The following VPS4B variants were observed in gnomAD, a reference collection of about 807,000 sequenced individuals.
The protein encoded by VPS4B is vacuolar protein sorting-associated protein 4B.
In VPS4B, 23 loss-of-function variants were observed where a neutral mutation model predicts 56.1. The observed-to-expected ratio is 0.41, with a 90% CI of 0.30 to 0.58. VPS4B has a LOEUF of 0.58. Ranked by LOEUF, VPS4B falls within the 20% of genes least tolerant of loss-of-function variation. The pLI is 0.29. For synonymous variants in VPS4B, 177 were observed against 186.0 expected (o/e 0.95, Z 0.39); for missense variants, 372 against 531.9 (o/e 0.70, Z 2.96).
At chr18:63,400,768 G>A in intron 5 of VPS4B, 65 bp from the exon 6 acceptor site, 3 of 1,445,772 alleles carry the variant, frequency 2.1e-6, no homozygotes, top group South Asian at 2.6e-5. Context: ...TCTATACTGA[G>A]GAATACTCTG....
chr18:63,413,923 G>A (rs181279367), intron 1 of VPS4B, among the ~76,000 whole-genome samples: 155 of 152,268 alleles, frequency 1.0e-3, no homozygotes, highest in African/African-American at 3.5e-3. Flanking sequence ...TAATAGTTAC[G>A]TATCTCACAG....
chr18:63,398,081 G>A (rs1446557378), intron 8 of VPS4B, among the ~76,000 whole-genome samples: 1 of 151,948 alleles, frequency 6.6e-6, no homozygotes, highest in African/African-American at 2.4e-5. Flanking sequence ...AGAGTGAAAA[G>A]TGAAGAGTCC....
At chr18:63,411,927 A>G (rs1916054439) in intron 1 of VPS4B, among the ~76,000 whole-genome samples, 1 of 152,208 alleles carries the variant, frequency 6.6e-6, no homozygotes, top group Admixed American at 6.5e-5. Flanking sequence ...GAAAATTCAA[A>G]CTAAACAAGC....
intron 5 of VPS4B, among the ~76,000 whole-genome samples, chr18:63,403,444 A>G (rs920313273): frequency 2.6e-5 from 4 of 152,224 alleles, no homozygotes; most frequent in Admixed American, 6.5e-5. Flanking sequence ...TGTACACTCT[A>G]TTTTACTGAG....
At chr18:63,411,717 AAAAT>A (rs1330919976) in intron 1 of VPS4B, 139 bp from the exon 2 acceptor site, 3 of 485,460 alleles carry the variant, frequency 6.2e-6, no homozygotes, top group Admixed American at 3.9e-5. Flanking sequence ...AAATAAGTAA[AAAAT>A]AAACAGTAAC....
chr18:63,418,566 C>A (rs1366584660), intron 1 of VPS4B, among the ~76,000 whole-genome samples: 1 of 152,096 alleles, frequency 6.6e-6, no homozygotes, highest in East Asian at 1.9e-4. Flanking sequence ...TGCACCACCA[C>A]ACCTGGCTAA....
rs1916047471 is a variant in VPS4B, at chr18:63,411,580, T to C, written c.28-2A>G. 6.5e-7 allele frequency: 1 copy of C among 1,549,662 alleles called. No homozygotes were observed. The highest frequency in any genetic ancestry group is 8.7e-7 in the Non-Finnish European group (1 of 1,147,568). ...TTTGCTAGCCAGATCTATCGCTTTCTGTTTGAGGGAGGCAAAATAACAACA... is the reference window on the plus strand; with the variant it reads ...TTTGCTAGCCAGATCTATCGCTTTCCGTTTGAGGGAGGCAAAATAACAACA... On this transcript the variant is annotated splice_acceptor_variant, in intron 1 of 10. Coordinates refer to ENST00000238497, the MANE Select transcript of VPS4B (RefSeq NM_004869.4). LOFTEE classifies it high-confidence loss of function.
intron 1 of VPS4B, among the ~76,000 whole-genome samples, chr18:63,420,058 A>G (rs1374893029): frequency 6.6e-6 from 1 of 152,208 alleles, no homozygotes; most frequent in East Asian, 1.9e-4. Flanking sequence ...ATTACAATTC[A>G]AGATCCTTCC....
chr18:63,413,538 C>CAAA (rs11363766), intron 1 of VPS4B, among the ~76,000 whole-genome samples: 2 of 81,742 alleles, frequency 2.4e-5, no homozygotes, highest in East Asian at 4.5e-4. Flanking sequence ...GACTCCACCT[C>CAAA]AAAAAAAAAA....
At chr18:63,411,669 T>TTAA in intron 1 of VPS4B, 91 bp from the exon 2 acceptor site, 1 of 881,388 alleles carries the variant, frequency 1.1e-6, no homozygotes, top group Non-Finnish European at 1.6e-6. Flanking sequence ...TTTTTTTTTT[T>TTAA]AAAGCTTCTC....
At chr18:63,395,861 G>C (rs558656856) in intron 9 of VPS4B, among the ~76,000 whole-genome samples, 6 of 152,326 alleles carry the variant, frequency 3.9e-5, no homozygotes, top group African/African-American at 1.4e-4. Flanking sequence ...CAGAATGGCT[G>C]AGATTTCAGA....
rs1369481715 is a variant in VPS4B, at chr18:63,389,367, A to C, written c.*1608T>G. ...CAGGCCTTTTCCATTTAATAACAAA[A>C]ACAATCTGTACAGAAAACCCAAAGG... On this transcript the variant is annotated 3_prime_UTR_variant, in exon 11 of 11. Coordinates refer to ENST00000238497, the MANE Select transcript of VPS4B (RefSeq NM_004869.4). The C allele has an allele frequency of 6.6e-6, 1 of 152,664 alleles. No individual in the cohort carries two copies. The highest frequency in any genetic ancestry group is 2.4e-5 in the African/African-American group (1 of 41,466). 9.5% of individuals were successfully genotyped at this position (152,664 alleles called of 1,614,324 possible).
intron 1 of VPS4B, chr18:63,415,640 G>T: frequency 4.1e-6 from 1 of 245,328 alleles, no homozygotes. Flanking sequence ...GGGCCTCAAA[G>T]CTGTCCAGTT....
intron 8 of VPS4B, 106 bp from the exon 9 acceptor site, chr18:63,397,359 A>G (rs1915694810): frequency 9.8e-7 from 1 of 1,018,158 alleles, no homozygotes; most frequent in Admixed American, 2.9e-5. Flanking sequence ...AAGGTTAAAC[A>G]TATATATTTA....
Position 63,410,318 on chromosome 18 carries a change from C to G in VPS4B, c.268G>C (p.Gly90Arg). ...TTCTCATCTGCTGGACTCGGCTGTC[C>G]TTCTTTCACTGGCTTCTGTGCTTTT... is the stretch of plus-strand genomic sequence containing the variant. ...EKKAQKPVKEGQPSPADEKGN... is the reference protein window; with the variant it reads ...EKKAQKPVKERQPSPADEKGN... Residue 90 changes from glycine (G) to arginine (R), a missense_variant, in exon 3 of 11, where the codon GGA becomes CGA. Gly to Arg is a moderately radical substitution (Grantham distance 125). Transcript: ENST00000238497. 1 of 1,613,988 alleles carries G rather than the reference C, an allele frequency of 6.2e-7. No homozygotes were observed. The highest frequency in any genetic ancestry group is 8.5e-7 in the Non-Finnish European group (1 of 1,179,976).
At chr18:63,412,733 ACCAAGCTAG>A (rs2052027322) in intron 1 of VPS4B, among the ~76,000 whole-genome samples, 1 of 152,172 alleles carries the variant, frequency 6.6e-6, no homozygotes, top group South Asian at 2.1e-4. Context: ...CACTATGTCG[ACCAAGCTAG>A]CCTCAAACTC....
intron 9 of VPS4B, 122 bp from the exon 10 acceptor site, chr18:63,393,671 T>C (rs1915606309): frequency 1.9e-6 from 2 of 1,077,308 alleles, no homozygotes; most frequent in South Asian, 6.4e-5. Context: ...TGTTTACTTT[T>C]GGAAAAAAAA....
At chr18:63,413,097 CACAA>C (rs1165150743) in intron 1 of VPS4B, among the ~76,000 whole-genome samples, 2 of 152,106 alleles carry the variant, frequency 1.3e-5, no homozygotes, top group Admixed American at 6.6e-5. Context: ...GATAAAACTG[CACAA>C]ACAACCACAC....
At chr18:63,392,035 T>C (rs1568082187) in intron 10 of VPS4B, among the ~76,000 whole-genome samples, 1 of 152,186 alleles carries the variant, frequency 6.6e-6, no homozygotes, top group Admixed American at 6.5e-5. Context: ...CAAAGGGGTT[T>C]CTGAGTAACT....
Sources: allele counts gnomAD v4.1 joint callset (sites outside exome capture counted in the v4.1 genomes callset), GRCh38; gene constraint gnomAD v4.1.1; transcripts MANE v1.5; gene names NCBI Gene and HGNC (gene_info 2026-07-23, HGNC 2026-07-21).